LYPD6B: variants seen among roughly 807,000 people sequenced by gnomAD.
LYPD6B encodes LY6/PLAUR domain containing 6B.
LYPD6B carries 17 observed loss-of-function variants against 22.8 expected under a neutral mutation model. That is an observed-to-expected ratio of 0.75 (90% CI 0.51 to 1.12). The LOEUF (loss-of-function observed/expected upper bound fraction) is 1.12. Among genes scored for constraint, LYPD6B ranks in the 50% most tolerant of loss-of-function variants. The probability of loss-of-function intolerance (pLI) is 0.00; values close to 1 mark genes in which losing one functional copy is unlikely to be tolerated. For missense variants in LYPD6B, 221 were observed against 258.3 expected, an observed-to-expected ratio of 0.86 and a Z score of 0.99; for synonymous variants, 106 against 91.6, an observed-to-expected ratio of 1.16 and a Z score of -0.90.
chr2:149,117,240 A>C (rs1178525572), intron 1 of LYPD6B, among the ~76,000 whole-genome samples: 1 of 151,620 alleles, frequency 6.6e-6, no homozygotes, highest in Non-Finnish European at 1.5e-5. Context: ...TAGACAATGT[A>C]CATTTTTATA....
chr2:149,049,091 A>G (rs1683434571), intron 1 of LYPD6B, among the ~76,000 whole-genome samples: 1 of 152,200 alleles, frequency 6.6e-6, no homozygotes, highest in Non-Finnish European at 1.5e-5. Context: ...AAATGGCCAA[A>G]TGAAGTCTCA....
At chr2:149,180,669 G>A (rs924569936) in intron 3 of LYPD6B, among the ~76,000 whole-genome samples, 1 of 152,180 alleles carries the variant, frequency 6.6e-6, no homozygotes, top group Non-Finnish European at 1.5e-5. Context: ...CACTTCTGGC[G>A]ATCTGAGGCC....
intron 5 of LYPD6B, among the ~76,000 whole-genome samples, chr2:149,208,973 AT>A (rs1693674159): frequency 6.6e-6 from 1 of 152,090 alleles, no homozygotes; most frequent in South Asian, 2.1e-4. Context: ...CCACGTGGAG[AT>A]CTGTGGGAAG....
In LYPD6B at chr2:149,191,468, G is replaced by T. The variant is rs573017059; in HGVS notation, c.78-13785G>T. On this transcript the variant is annotated intron_variant, in intron 3 of 6. Coordinates refer to ENST00000409642, the MANE Select transcript of LYPD6B (RefSeq NM_177964.5). ...GTATATCCCTGCTTCACTAGATTAT[G>T]TTTGTGATATAACAAATTCTTATAT... Among the ~76,000 whole-genome samples the T allele has an allele frequency of 2.0e-5, 3 of 152,130 alleles. No homozygotes were observed. The South Asian group carries it at 6.2e-4, about 32-fold the overall frequency.
At chr2:149,200,013 A>G (rs1424335931) in intron 3 of LYPD6B, among the ~76,000 whole-genome samples, 1 of 152,192 alleles carries the variant, frequency 6.6e-6, no homozygotes, top group African/African-American at 2.4e-5. Flanking sequence ...TTGGAGGAGG[A>G]GTCTTTTTGT....
intron 1 of LYPD6B, among the ~76,000 whole-genome samples, chr2:149,065,883 T>C (rs910008872): frequency 6.6e-6 from 1 of 152,080 alleles, no homozygotes; most frequent in Non-Finnish European, 1.5e-5. Context: ...CCTTTTTTTT[T>C]GTATTTTTCA....
At chr2:149,047,127 T>C (rs923231339) in intron 1 of LYPD6B, among the ~76,000 whole-genome samples, 1 of 152,234 alleles carries the variant, frequency 6.6e-6, no homozygotes, top group African/African-American at 2.4e-5. Flanking sequence ...TAATTTTGTT[T>C]GATTTTCATT....
chr2:149,185,057 T>A (rs58616959), intron 3 of LYPD6B, among the ~76,000 whole-genome samples: 2 of 152,210 alleles, frequency 1.3e-5, no homozygotes, highest in Admixed American at 1.3e-4. Flanking sequence ...GAAAGATTAC[T>A]CCTGCCATCA....
intron 3 of LYPD6B, among the ~76,000 whole-genome samples, chr2:149,178,340 A>T (rs954066951): frequency 2.6e-5 from 4 of 152,210 alleles, no homozygotes; most frequent in Non-Finnish European, 4.4e-5. Context: ...ATTTATTTTA[A>T]AGTATTATAA....
chr2:149,166,949 G>A (rs10803869), intron 3 of LYPD6B, among the ~76,000 whole-genome samples: 130,451 of 152,054 alleles, frequency 0.86, 56,848 homozygotes, highest in South Asian at 0.97. Flanking sequence ...TGTCAACCAC[G>A]ACATCCTAGG....
intron 2 of LYPD6B, among the ~76,000 whole-genome samples, chr2:149,152,933 A>G (rs558685881): frequency 6.6e-6 from 1 of 152,350 alleles, no homozygotes; most frequent in East Asian, 1.9e-4. Context: ...AGTGGGTAAC[A>G]GTTCCATCTA....
intron 3 of LYPD6B, among the ~76,000 whole-genome samples, chr2:149,184,528 G>T (rs1210675445): frequency 1.3e-5 from 2 of 152,156 alleles, no homozygotes; most frequent in Admixed American, 6.5e-5. Context: ...GCAATATTTT[G>T]ATATACCACT....
At chr2:149,161,294 G>C (rs1180073413) in intron 3 of LYPD6B, among the ~76,000 whole-genome samples, 1 of 152,214 alleles carries the variant, frequency 6.6e-6, no homozygotes, top group Non-Finnish European at 1.5e-5. Context: ...ATCTTTGCAT[G>C]TTAAGCCTTA....
intron 3 of LYPD6B, chr2:149,188,603 AACACCCAGT>A (rs956341131): frequency 9.8e-6 from 5 of 508,064 alleles, no homozygotes; most frequent in Non-Finnish European, 1.3e-5. Context: ...TAAATCACTC[AACACCCAGT>A]AAAGTTGAGA....
At position 149,145,792 on chromosome 2, in the gene LYPD6B, A is replaced by C. The variant is rs376022565; in HGVS notation, c.5+14839A>C. Among the ~76,000 whole-genome samples the C allele has an allele frequency of 1.4e-3, 219 of 152,322 alleles. 1 individual carries two copies. The Middle Eastern group carries it at 0.017, about 12-fold the overall frequency. On this transcript the variant is annotated intron_variant, in intron 2 of 6. Coordinates refer to ENST00000409642, the MANE Select transcript of LYPD6B (RefSeq NM_177964.5). ...TCAATGCAAAACAGAGTGGTGACCCAGTGAAAGTGAGGGTGCCAGTCAAAA... is the reference window on the plus strand; with the variant it reads ...TCAATGCAAAACAGAGTGGTGACCCCGTGAAAGTGAGGGTGCCAGTCAAAA...
intron 3 of LYPD6B, among the ~76,000 whole-genome samples, chr2:149,167,856 A>G (rs569887946): frequency 6.6e-6 from 1 of 152,210 alleles, no homozygotes; most frequent in East Asian, 1.9e-4. Flanking sequence ...TGCAGTGACG[A>G]TGATTGCTTA....
chr2:149,156,247 G>C (rs180832188), intron 2 of LYPD6B, among the ~76,000 whole-genome samples: 1 of 152,286 alleles, frequency 6.6e-6, no homozygotes, highest in Non-Finnish European at 1.5e-5. Flanking sequence ...GGATCTTCAG[G>C]AAGTTTATGA....
At chr2:149,150,877 T>C (rs1360208775) in intron 2 of LYPD6B, among the ~76,000 whole-genome samples, 1 of 150,822 alleles carries the variant, frequency 6.6e-6, no homozygotes, top group Non-Finnish European at 1.5e-5. Context: ...GAAAGATTTC[T>C]TTGACTTCAT....
rs535294635 is a variant in LYPD6B, at chr2:149,051,251, C to T, written c.-67+12450C>T. Among the ~76,000 whole-genome samples the T allele has an allele frequency of 1.2e-4, 18 of 151,988 alleles. No individual in the cohort carries two copies. In the South Asian group the frequency reaches 2.3e-3, roughly 19 times the overall value. On this transcript the variant is annotated intron_variant, in intron 1 of 6. Coordinates refer to ENST00000409642, the MANE Select transcript of LYPD6B (RefSeq NM_177964.5). ...CACGAACTTGGCTCACTGTAAGCTC[C>T]GCCTCCTGGGTTCACACCGTTCTCC...
Sources: allele counts gnomAD v4.1 joint callset (sites outside exome capture counted in the v4.1 genomes callset), GRCh38; gene constraint gnomAD v4.1.1; transcripts MANE v1.5; gene names NCBI Gene and HGNC (gene_info 2026-07-23, HGNC 2026-07-21).